RABGAP1L: variants seen among roughly 807,000 people sequenced by gnomAD.
RABGAP1L encodes the protein rab GTPase-activating protein 1-like.
A neutral mutation model predicts 137.7 loss-of-function variants in RABGAP1L; 63 were observed. The ratio of observed to expected loss-of-function variants is 0.46; its 90% CI spans 0.37 to 0.56. The LOEUF (loss-of-function observed/expected upper bound fraction) is 0.56. Among genes scored for constraint, RABGAP1L ranks in the 20% least tolerant of loss-of-function variants. The pLI is 0.00. For missense variants in RABGAP1L, 1,095 were observed against 1,244.0 expected, an observed-to-expected ratio of 0.88 and a Z score of 1.80; for synonymous variants, 431 against 433.7, an observed-to-expected ratio of 0.99 and a Z score of 0.08.
rs1684961716 is a variant in RABGAP1L, at chr1:174,758,573, C to G, written c.2211+6219C>G. On this transcript the variant is annotated intron_variant, in intron 18 of 25. Coordinates refer to ENST00000681986, the MANE Select transcript of RABGAP1L (RefSeq NM_001366446.1). ...GGTTTTCCATTCCTGAGTTACTTCA[C>G]TTAGGATAATGGCCTCCTCTTTCAA... Among the ~76,000 whole-genome samples, 9 of 152,124 alleles carry G rather than the reference C, an allele frequency of 5.9e-5. No homozygotes were observed. In the South Asian group the frequency reaches 1.9e-3, roughly 31 times the overall value.
chr1:174,675,433 G>C (rs1052709074), intron 14 of RABGAP1L, among the ~76,000 whole-genome samples: 2 of 151,780 alleles, frequency 1.3e-5, no homozygotes, highest in Non-Finnish European at 2.9e-5. Context: ...GCTCTGTTCT[G>C]TTCCATTGAT....
intron 13 of RABGAP1L, among the ~76,000 whole-genome samples, chr1:174,462,855 G>A (rs1656842840): frequency 6.6e-6 from 1 of 152,082 alleles, no homozygotes; most frequent in African/African-American, 2.4e-5. Context: ...AGGAACAGAT[G>A]CTTCTCAAAA....
intron 19 of RABGAP1L, among the ~76,000 whole-genome samples, chr1:174,842,872 C>A (rs1442569561): frequency 6.6e-6 from 1 of 152,026 alleles, no homozygotes; most frequent in African/African-American, 2.4e-5. Flanking sequence ...TTTAATTATT[C>A]TTTAAATTTT....
chr1:174,400,384 C>T (rs1648425042), intron 13 of RABGAP1L, among the ~76,000 whole-genome samples: 1 of 152,068 alleles, frequency 6.6e-6, no homozygotes, highest in Non-Finnish European at 1.5e-5. Context: ...TTAAAATCCA[C>T]AGGAGCAAAG....
chr1:174,532,505 C>T (rs1358631253), intron 13 of RABGAP1L, among the ~76,000 whole-genome samples: 1 of 152,042 alleles, frequency 6.6e-6, no homozygotes, highest in Non-Finnish European at 1.5e-5. Flanking sequence ...CTGCGCTCAG[C>T]CAGATGTTTT....
intron 10 of RABGAP1L, among the ~76,000 whole-genome samples, chr1:174,286,744 T>C (rs1039460260): frequency 1.3e-5 from 2 of 152,090 alleles, no homozygotes; most frequent in Non-Finnish European, 1.5e-5. Flanking sequence ...TTTTGGTATG[T>C]TGTATTTCCA....
At chr1:174,851,489 AAAT>A (rs1484926858) in intron 19 of RABGAP1L, among the ~76,000 whole-genome samples, 2 of 152,162 alleles carry the variant, frequency 1.3e-5, no homozygotes, top group Non-Finnish European at 1.5e-5. Context: ...TTTCTGTTTT[AAAT>A]AATCTTGTAT....
At chr1:174,510,317 G>A (rs1337334504) in intron 13 of RABGAP1L, among the ~76,000 whole-genome samples, 2 of 152,000 alleles carry the variant, frequency 1.3e-5, no homozygotes, top group Admixed American at 1.3e-4. Context: ...AATCTGTTTT[G>A]TTTACTGTTT....
chr1:174,214,988 G>T (rs185720453), intron 1 of RABGAP1L, among the ~76,000 whole-genome samples: 20 of 152,162 alleles, frequency 1.3e-4, no homozygotes, highest in Non-Finnish European at 2.5e-4. Context: ...TGGACAAATG[G>T]TATCACATCA....
intron 12 of RABGAP1L, among the ~76,000 whole-genome samples, chr1:174,373,187 T>C (rs565913991): frequency 7.5e-4 from 114 of 152,260 alleles, no homozygotes; most frequent in Middle Eastern, 3.4e-3. Flanking sequence ...AGTTTCAATG[T>C]GGGATGGAGA....
At chr1:174,370,919 A>G in intron 11 of RABGAP1L, 60 bp from the exon 12 acceptor site, 1 of 878,222 alleles carries the variant, frequency 1.1e-6, no homozygotes, top group Non-Finnish European at 1.7e-6. Context: ...TGTATGATAT[A>G]TAAAGTATCT....
At chr1:174,880,453 CAT>C (rs1653992945) in intron 19 of RABGAP1L, among the ~76,000 whole-genome samples, 1 of 150,838 alleles carries the variant, frequency 6.6e-6, no homozygotes, top group Non-Finnish European at 1.5e-5. Context: ...GCGTAGGCAA[CAT>C]AGAGAGACCT....
intron 13 of RABGAP1L, among the ~76,000 whole-genome samples, chr1:174,471,037 G>GAA (rs140550042): frequency 0.21 from 31,808 of 149,984 alleles, 3,641 homozygotes; most frequent in Admixed American, 0.25. Context: ...AGGTATTTAG[G>GAA]AAAAAAAAAC....
At chr1:174,693,977 A>G (rs1239561372) in intron 15 of RABGAP1L, among the ~76,000 whole-genome samples, 2 of 152,228 alleles carry the variant, frequency 1.3e-5, no homozygotes, top group African/African-American at 4.8e-5. Flanking sequence ...ATCGTGGATG[A>G]AAAATATTTG....
chr1:174,573,715 T>A (rs1467005553), intron 13 of RABGAP1L, among the ~76,000 whole-genome samples: 1 of 151,996 alleles, frequency 6.6e-6, no homozygotes, highest in Non-Finnish European at 1.5e-5. Context: ...ATTCTTGGTG[T>A]CAAACTTGTT....
intron 13 of RABGAP1L, among the ~76,000 whole-genome samples, chr1:174,580,863 A>G (rs1376728482): frequency 6.6e-6 from 1 of 152,192 alleles, no homozygotes; most frequent in East Asian, 1.9e-4. Context: ...AATTAGAATC[A>G]ATATTTCTCC....
chr1:174,881,942 A>C (rs763090779), intron 19 of RABGAP1L, among the ~76,000 whole-genome samples: 8 of 152,188 alleles, frequency 5.3e-5, no homozygotes, highest in Non-Finnish European at 1.0e-4. Flanking sequence ...GCTCACCGCT[A>C]TCTCTGCCTC....
intron 13 of RABGAP1L, among the ~76,000 whole-genome samples, chr1:174,522,528 A>C (rs982780708): frequency 9.9e-5 from 15 of 152,238 alleles, no homozygotes; most frequent in African/African-American, 3.4e-4. Context: ...AAAGAAAAGA[A>C]AAAAGAAGAG....
At chr1:174,814,406 A>G (rs1690171753) in intron 19 of RABGAP1L, among the ~76,000 whole-genome samples, 3 of 152,288 alleles carry the variant, frequency 2.0e-5, no homozygotes, top group South Asian at 4.1e-4. Flanking sequence ...TCCACGGGAC[A>G]CCATTTCATT....
Sources: gnomAD v4.1 joint callset for allele counts (sites outside exome capture counted in the v4.1 genomes callset) on GRCh38, gnomAD v4.1.1 for gene constraint, MANE v1.5 for transcripts, NCBI Gene and HGNC (gene_info 2026-07-23, HGNC 2026-07-21) for gene names.